PCSK5: variants seen among roughly 807,000 people sequenced by gnomAD.
PCSK5 encodes proprotein convertase subtilisin/kexin type 5.
PCSK5 carries 129 observed loss-of-function variants against 233.2 expected under a neutral mutation model. The observed-to-expected ratio is 0.55, with a 90% CI of 0.48 to 0.64. PCSK5 has a LOEUF of 0.64. Ranked by LOEUF, PCSK5 falls within the 30% of genes least tolerant of loss-of-function variation. PCSK5 has a pLI of 0.00. For missense variants in PCSK5, 2,076 were observed against 2,430.1 expected, an observed-to-expected ratio of 0.85 and a Z score of 3.06; for synonymous variants, 825 against 879.2, an observed-to-expected ratio of 0.94 and a Z score of 1.09.
chr9:75,972,144 C>T (rs1825837016), intron 2 of PCSK5, among the ~76,000 whole-genome samples: 1 of 152,114 alleles, frequency 6.6e-6, no homozygotes, highest in Non-Finnish European at 1.5e-5. Flanking sequence ...GAATCCTTTC[C>T]CCATTGCTTG....
intron 3 of PCSK5, among the ~76,000 whole-genome samples, chr9:76,002,236 T>A (rs1827294268): frequency 6.6e-6 from 1 of 152,210 alleles, no homozygotes; most frequent in East Asian, 1.9e-4. Context: ...AATAGTATAG[T>A]GCAGGCATGC....
chr9:76,277,569 A>G (rs1454290533), intron 24 of PCSK5, among the ~76,000 whole-genome samples: 1 of 152,222 alleles, frequency 6.6e-6, no homozygotes, highest in Admixed American at 6.5e-5. Context: ...CCCTCCAGGG[A>G]GTTGTGCCCC....
At chr9:76,276,221 A>T (rs1005516744) in intron 24 of PCSK5, among the ~76,000 whole-genome samples, 6 of 152,100 alleles carry the variant, frequency 3.9e-5, no homozygotes, top group Non-Finnish European at 8.8e-5. Flanking sequence ...CTAAAAATAT[A>T]TAAATAAATA....
At chr9:76,257,017 A>G (rs1827005307) in intron 24 of PCSK5, among the ~76,000 whole-genome samples, 1 of 152,220 alleles carries the variant, frequency 6.6e-6, no homozygotes, top group African/African-American at 2.4e-5. Context: ...AAGAGGCTCT[A>G]TTGTGAATAT....
At chr9:76,215,795 C>T (rs1825505026) in intron 20 of PCSK5, among the ~76,000 whole-genome samples, 1 of 152,122 alleles carries the variant, frequency 6.6e-6, no homozygotes, top group Admixed American at 6.5e-5. Flanking sequence ...CAAAAATTAG[C>T]TGAGTGTGGT....
intron 5 of PCSK5, among the ~76,000 whole-genome samples, chr9:76,041,643 A>C (rs996789358): frequency 1.3e-4 from 20 of 152,132 alleles, no homozygotes; most frequent in East Asian, 5.8e-4. Context: ...AGATCAAGAC[A>C]ATCCTGGCCA....
chr9:76,099,471 G>C (rs2131662618), intron 8 of PCSK5, among the ~76,000 whole-genome samples: 1 of 152,326 alleles, frequency 6.6e-6, no homozygotes, highest in South Asian at 2.1e-4. Context: ...TGGGAGGTTA[G>C]GGTGTTTTTC....
chr9:75,947,506 A>G (rs1391272828), intron 2 of PCSK5, among the ~76,000 whole-genome samples: 1 of 152,190 alleles, frequency 6.6e-6, no homozygotes, highest in Non-Finnish European at 1.5e-5. Flanking sequence ...TTAAAAAAAA[A>G]AAGAACCAAC....
At position 76,278,953 on chromosome 9, in the gene PCSK5, G is replaced by T. The variant is rs147043421; in HGVS notation, c.3143-13280G>T. On this transcript the variant is annotated intron_variant, in intron 24 of 37. Coordinates refer to ENST00000674117, the MANE Select transcript of PCSK5 (RefSeq NM_001372043.1). ...ATACTTTAAGTTTTAGGGTACATGTGCACATTGTGCAGGTTAGTTACATAT... is the reference window on the plus strand; with the variant it reads ...ATACTTTAAGTTTTAGGGTACATGTTCACATTGTGCAGGTTAGTTACATAT... Among the ~76,000 whole-genome samples the T allele has an allele frequency of 3.8e-3, 583 of 151,844 alleles. 12 individuals are homozygous for T. In the East Asian group the frequency reaches 0.061, roughly 16 times the overall value.
At chr9:76,268,851 A>T (rs1564146122) in intron 24 of PCSK5, among the ~76,000 whole-genome samples, 1 of 152,250 alleles carries the variant, frequency 6.6e-6, no homozygotes, top group African/African-American at 2.4e-5. Context: ...TCTCAGAATC[A>T]AAACAAAACA....
chr9:76,243,026 C>T (rs902690787), intron 24 of PCSK5, among the ~76,000 whole-genome samples: 2 of 152,186 alleles, frequency 1.3e-5, no homozygotes, highest in Admixed American at 6.5e-5. Flanking sequence ...ACCATGGTCA[C>T]TAGGTGTTCG....
intron 10 of PCSK5, among the ~76,000 whole-genome samples, chr9:76,144,632 G>A (rs1823368393): frequency 6.6e-6 from 1 of 152,190 alleles, no homozygotes; most frequent in Non-Finnish European, 1.5e-5. Flanking sequence ...ATCGACAGAA[G>A]TCCCACATGG....
intron 2 of PCSK5, among the ~76,000 whole-genome samples, chr9:75,937,115 T>A (rs372504258): frequency 6.6e-6 from 1 of 151,996 alleles, no homozygotes; most frequent in Middle Eastern, 3.2e-3. Flanking sequence ...TGTAAACAGA[T>A]GTGCTGTCAT....
At chr9:76,033,940 G>A (rs1050536634) in intron 5 of PCSK5, among the ~76,000 whole-genome samples, 7 of 152,100 alleles carry the variant, frequency 4.6e-5, no homozygotes, top group African/African-American at 1.4e-4. Context: ...ATTTTGGAGG[G>A]ACACAAACAT....
intron 24 of PCSK5, among the ~76,000 whole-genome samples, chr9:76,257,993 T>G (rs1827038652): frequency 6.6e-6 from 1 of 152,162 alleles, no homozygotes; most frequent in Non-Finnish European, 1.5e-5. Context: ...AATATTGTTT[T>G]GTATGAACCA....
chr9:75,929,119 G>A (rs541174440), intron 1 of PCSK5, among the ~76,000 whole-genome samples: 41 of 152,174 alleles, frequency 2.7e-4, no homozygotes, highest in African/African-American at 9.4e-4. Context: ...ATTTTTAGTA[G>A]AGATGGGGTT....
intron 24 of PCSK5, among the ~76,000 whole-genome samples, chr9:76,281,223 C>T (rs115080462): frequency 0.018 from 2,712 of 152,332 alleles, 72 homozygotes; most frequent in African/African-American, 0.061. Flanking sequence ...ATTGGGAAAA[C>T]ATGCCATCTA....
chr9:75,963,341 TAAC>T (rs1825436649), intron 2 of PCSK5, among the ~76,000 whole-genome samples: 2 of 152,228 alleles, frequency 1.3e-5, no homozygotes, highest in Non-Finnish European at 2.9e-5. Context: ...TTTTCAATTC[TAAC>T]AATTTATGGT....
intron 24 of PCSK5, among the ~76,000 whole-genome samples, chr9:76,275,812 T>G (rs2131379448): frequency 6.6e-6 from 1 of 152,340 alleles, no homozygotes; most frequent in South Asian, 2.1e-4. Flanking sequence ...TGTGGTACAC[T>G]ACATTAGAGG....
Sources: gnomAD v4.1 joint callset for allele counts (sites outside exome capture counted in the v4.1 genomes callset) on GRCh38, gnomAD v4.1.1 for gene constraint, MANE v1.5 for transcripts, NCBI Gene and HGNC (gene_info 2026-07-23, HGNC 2026-07-21) for gene names.